DNAAF4: variants seen among roughly 807,000 people sequenced by gnomAD.
DNAAF4 encodes dynein axonemal assembly factor 4.
Under a neutral mutation model 51.8 loss-of-function variants are expected in DNAAF4, and 43 were observed. That is an observed-to-expected ratio of 0.83 (90% CI 0.65 to 1.07). The LOEUF (loss-of-function observed/expected upper bound fraction) is 1.07. Among genes scored for constraint, DNAAF4 ranks in the 50% least tolerant of loss-of-function variants. The pLI is 0.00. For synonymous variants in DNAAF4, 194 were observed against 165.6 expected (o/e 1.17, Z -1.32); for missense variants, 581 against 493.0 (o/e 1.18, Z -1.69).
In DNAAF4 at chr15:55,433,499, G is replaced by A. The variant is rs574936009; in HGVS notation, c.1048-897C>T. Among the ~76,000 whole-genome samples the A allele has an allele frequency of 2.9e-3, 437 of 150,412 alleles. 3 individuals are homozygous for A. Among genetic ancestry groups the A allele is most frequent in the African/African-American group, 0.01 (414 of 41,048 alleles). On this transcript the variant is annotated intron_variant, in intron 8 of 9. Transcript: ENST00000321149. Reference sequence around the variant, plus strand: ...AAATTAGCCGGGTATGATGGCGGGCGCCTTCAGTCCCAGCTACTCCGGACG... The same window carrying A: ...AAATTAGCCGGGTATGATGGCGGGCACCTTCAGTCCCAGCTACTCCGGACG...
intron 4 of DNAAF4, among the ~76,000 whole-genome samples, chr15:55,468,324 T>C (rs692690): frequency 0.53 from 80,389 of 152,022 alleles, 23,091 homozygotes; most frequent in East Asian, 0.89. Context: ...GACTGATTAT[T>C]TTCCTGTGAG....
In DNAAF4 at chr15:55,488,323, G is replaced by C. The variant is rs76124055; in HGVS notation, c.405+2800C>G. On this transcript the variant is annotated intron_variant, in intron 4 of 9. Coordinates refer to ENST00000321149, the MANE Select transcript of DNAAF4 (RefSeq NM_130810.4). ...AGCCCCACTAATTATTTTTTAAAAG[G>C]TTACTACTTAAAAACCACTTATTTT... is the stretch of plus-strand genomic sequence containing the variant. Among the ~76,000 whole-genome samples the C allele has an allele frequency of 5.3e-4, 80 of 152,226 alleles. No individual in the cohort carries two copies. The South Asian group carries it at 0.016, about 30-fold the overall frequency.
intron 6 of DNAAF4, among the ~76,000 whole-genome samples, chr15:55,440,507 T>G (rs1335103112): frequency 1.3e-5 from 2 of 151,940 alleles, no homozygotes; most frequent in African/African-American, 4.8e-5. Flanking sequence ...GCCTCCCAAG[T>G]AGCTGGGACT....
chr15:55,485,674 G>A (rs2058477142), intron 4 of DNAAF4, among the ~76,000 whole-genome samples: 1 of 152,186 alleles, frequency 6.6e-6, no homozygotes, highest in Middle Eastern at 3.4e-3. Context: ...AGTGGGTAAT[G>A]TACAGAACAA....
intron 5 of DNAAF4, 111 bp from the exon 6 acceptor site, chr15:55,450,478 A>G: frequency 8.3e-7 from 1 of 1,203,566 alleles, no homozygotes; most frequent in African/African-American, 1.5e-5. Flanking sequence ...AAACAAATAA[A>G]TCAAATATAT....
At chr15:55,442,948 C>A in intron 6 of DNAAF4, 1 of 1,611,336 alleles carries the variant, frequency 6.2e-7, no homozygotes, top group Non-Finnish European at 8.5e-7. Context: ...TTGAAATAAG[C>A]AAACCATCCT....
At chr15:55,487,130 G>A (rs2058501196) in intron 4 of DNAAF4, among the ~76,000 whole-genome samples, 1 of 152,160 alleles carries the variant, frequency 6.6e-6, no homozygotes, top group South Asian at 2.1e-4. Flanking sequence ...GGTCAAGTGG[G>A]GACTTGGAGA....
At chr15:55,425,168 T>C (rs1186649470) in intron 7 of DNAAF4, among the ~76,000 whole-genome samples, 3 of 152,220 alleles carry the variant, frequency 2.0e-5, no homozygotes, top group African/African-American at 7.2e-5. Flanking sequence ...CTCAGCCACA[T>C]ACTTTGCTCT....
intron 7 of DNAAF4, among the ~76,000 whole-genome samples, chr15:55,437,509 C>T (rs549225505): frequency 6.6e-6 from 1 of 151,602 alleles, no homozygotes. Flanking sequence ...TGCCCCCCGC[C>T]CCCCAAAAAA....
chr15:55,467,544 T>TACACACACACAC (rs59329424), intron 4 of DNAAF4, among the ~76,000 whole-genome samples: 3 of 150,186 alleles, frequency 2.0e-5, no homozygotes, highest in African/African-American at 4.9e-5. Flanking sequence ...TCTCAAAATC[T>TACACACACACAC]ACACACACAC....
In DNAAF4 at chr15:55,497,816, G is replaced by A. The variant is rs763131279; in HGVS notation, c.167C>T (p.Pro56Leu). ...TGCTTTGCTGCTCTCATCGTCTATG[G>A]GAGCATAAAGAAATGCCTCAAATAA... Reference protein sequence around the residue: ...PFLFEAFLYAPIDDESSKAKI... With the variant: ...PFLFEAFLYALIDDESSKAKI... Residue 56 changes from proline (P) to leucine (L), a missense_variant, in exon 3 of 10, where the codon CCC (proline) becomes CTC (leucine). By Grantham distance (98) the Pro-to-Leu change is moderately conservative. Transcript: ENST00000321149. 4 of 1,613,294 alleles carry A rather than the reference G, an allele frequency of 2.5e-6. No homozygotes were observed. The highest frequency in any genetic ancestry group is 2.5e-6 in the Non-Finnish European group (3 of 1,179,810).
At chr15:55,495,055 T>C (rs16976343) in intron 3 of DNAAF4, 42,627 of 151,636 alleles carry the variant, frequency 0.28, 9,738 homozygotes, top group African/African-American at 0.64. Context: ...AATAAATGTA[T>C]ATTCAATTTT....
intron 4 of DNAAF4, among the ~76,000 whole-genome samples, chr15:55,482,204 G>C (rs73411016): frequency 0.015 from 2,279 of 151,824 alleles, 49 homozygotes; most frequent in African/African-American, 0.049. Flanking sequence ...CTTTCCATCT[G>C]GCAACAACAG....
rs34741079 is a variant in DNAAF4, at chr15:55,431,359, TACACACACAC to T, written c.1154-590_1154-581del. 4.9e-3 allele frequency among the ~76,000 whole-genome samples: 738 copies of T among 149,504 alleles called. 10 individuals carry two copies. The highest frequency in any genetic ancestry group is 0.017 in the African/African-American group (680 of 40,826). On this transcript the variant is annotated intron_variant, in intron 9 of 9. Coordinates refer to ENST00000321149, the MANE Select transcript of DNAAF4 (RefSeq NM_130810.4). ...TTATTTCCGAGCTTAGGTGTGTGTA[TACACACACAC>T]ACACACACACACACACACACAAATA...
rs2058698691 is a variant in DNAAF4, at chr15:55,501,528, A to G, written c.-255-2944T>C. ...GTAGCTGGGACTACAGGTGCCCGCC[A>G]CCGCATCCGGCTGATTTTTTGCATT... is the stretch of plus-strand genomic sequence containing the variant. On this transcript the variant is annotated intron_variant, in intron 1 of 9. Transcript: ENST00000321149. 3.4e-5 allele frequency among the ~76,000 whole-genome samples: 5 copies of G among 146,376 alleles called. No homozygotes were observed. In the South Asian group the frequency reaches 1.1e-3, roughly 32 times the overall value.
At chr15:55,455,156 C>T (rs1330126234) in intron 5 of DNAAF4, among the ~76,000 whole-genome samples, 1 of 147,296 alleles carries the variant, frequency 6.8e-6, no homozygotes, top group African/African-American at 2.5e-5. Context: ...TAAAAAAACT[C>T]CAGACCTAGA....
chr15:55,435,148 G>T, intron 7 of DNAAF4, 90 bp from the exon 8 acceptor site: 1 of 1,390,130 alleles, frequency 7.2e-7, no homozygotes, highest in Non-Finnish European at 9.7e-7. Context: ...AAAGAGGATG[G>T]CTTACCTCTT....
At chr15:55,429,968 C>G (rs940583640), downstream of DNAAF4, among the ~76,000 whole-genome samples, 12 of 152,106 alleles carry the variant, frequency 7.9e-5, no homozygotes, top group Non-Finnish European at 1.5e-4. Flanking sequence ...CCATAATATT[C>G]CAGGTTAATA....
intron 8 of DNAAF4, among the ~76,000 whole-genome samples, chr15:55,433,190 C>T (rs1309770127): frequency 6.6e-6 from 1 of 152,132 alleles, no homozygotes; most frequent in Non-Finnish European, 1.5e-5. Flanking sequence ...ATCCCAGCTA[C>T]TCAGGAGGCT....
Sources: gnomAD v4.1 joint callset for allele counts (sites outside exome capture counted in the v4.1 genomes callset) on GRCh38, gnomAD v4.1.1 for gene constraint, MANE v1.5 for transcripts, NCBI Gene and HGNC (gene_info 2026-07-23, HGNC 2026-07-21) for gene names.